Variants in EPS8 observed in about 807,000 individuals in gnomAD.
EPS8 encodes the protein EGFR pathway substrate 8, signaling adaptor.
EPS8 carries 42 observed loss-of-function variants against 103.8 expected under a neutral mutation model. That is an observed-to-expected ratio of 0.40 (90% CI 0.32 to 0.52). The LOEUF (loss-of-function observed/expected upper bound fraction) is 0.52, where lower values mean the gene tolerates loss of function less well. Among genes scored for constraint, EPS8 ranks in the 20% least tolerant of loss-of-function variants. The probability of loss-of-function intolerance (pLI) is 0.40; values close to 1 mark genes in which losing one functional copy is unlikely to be tolerated. For synonymous variants in EPS8, 344 were observed against 344.6 expected (o/e 1.00, Z 0.02); for missense variants, 969 against 1,005.1 (o/e 0.96, Z 0.49).
At chr12:15,643,897 T>C (rs1436269294) in intron 15 of EPS8, among the ~76,000 whole-genome samples, 5 of 152,136 alleles carry the variant, frequency 3.3e-5, no homozygotes, top group African/African-American at 1.2e-4. Flanking sequence ...TTCTCTAAAA[T>C]ACTAATTGCA....
chr12:15,624,715 C>G (rs566349833), intron 18 of EPS8, among the ~76,000 whole-genome samples: 62 of 152,220 alleles, frequency 4.1e-4, no homozygotes, highest in Non-Finnish European at 7.6e-4. Context: ...GCTGAATGAT[C>G]TCATGTTAAA....
chr12:15,623,757 C>T (rs1246049056), intron 19 of EPS8, among the ~76,000 whole-genome samples: 2 of 152,100 alleles, frequency 1.3e-5, no homozygotes, highest in Non-Finnish European at 2.9e-5. Context: ...AGAACCTTTA[C>T]TATGGGTTTA....
chr12:15,646,846 C>A (rs879445208), intron 15 of EPS8, among the ~76,000 whole-genome samples: 2 of 152,344 alleles, frequency 1.3e-5, no homozygotes, highest in Admixed American at 1.3e-4. Context: ...GGTTTCAAGA[C>A]AATTCTTTCT....
chr12:15,643,019 T>C (rs1171327415), intron 15 of EPS8, among the ~76,000 whole-genome samples: 1 of 152,198 alleles, frequency 6.6e-6, no homozygotes, highest in Non-Finnish European at 1.5e-5. Context: ...AGTAATTATG[T>C]TATTAATAAT....
intron 3 of EPS8, among the ~76,000 whole-genome samples, chr12:15,677,079 T>C (rs1391922888): frequency 2.0e-5 from 3 of 152,176 alleles, no homozygotes; most frequent in Non-Finnish European, 4.4e-5. Flanking sequence ...AAAATATCAC[T>C]ATAATTAATT....
Position 15,767,024 on chromosome 12 carries a change from T to C in EPS8, c.-22+22137A>G, listed in dbSNP as rs560535622. Reference sequence around the variant, plus strand: ...GCCATCTCTGATGTTTAAATATATATATATGATGACAATGATGATGGTGGT... The same window carrying C: ...GCCATCTCTGATGTTTAAATATATACATATGATGACAATGATGATGGTGGT... On this transcript the variant is annotated intron_variant, in intron 1 of 20. Coordinates refer to ENST00000281172, the MANE Select transcript of EPS8 (RefSeq NM_004447.6). This position sits in a 1 kb window ranked among gnomAD's most constrained non-coding sequence, Gnocchi z 5.5. Among the ~76,000 whole-genome samples, 59 of 152,180 alleles carry C rather than the reference T, an allele frequency of 3.9e-4. No individual in the cohort carries two copies. The highest frequency in any genetic ancestry group is 3.7e-4 in the Non-Finnish European group (25 of 68,036).
Position 15,731,864 on chromosome 12 carries a change from T to G in EPS8, c.-21-48892A>C, listed in dbSNP as rs1946720184. On this transcript the variant is annotated intron_variant, in intron 1 of 20. Coordinates refer to ENST00000281172, the MANE Select transcript of EPS8 (RefSeq NM_004447.6). This position sits in a 1 kb window ranked among gnomAD's most constrained non-coding sequence, Gnocchi z 5.1. ...AAGATAAAGTGTGTGTGTGCATGTG[T>G]GTGTGTAGGCAAAAGGAAGCTGGGT... Among the ~76,000 whole-genome samples the G allele has an allele frequency of 6.6e-6, 1 of 152,174 alleles. No homozygotes were observed. Among genetic ancestry groups the G allele is most frequent in the African/African-American group, 2.4e-5 (1 of 41,436 alleles).
At chr12:15,755,325 C>T (rs1946975479) in intron 1 of EPS8, among the ~76,000 whole-genome samples, 2 of 152,088 alleles carry the variant, frequency 1.3e-5, no homozygotes, top group South Asian at 4.1e-4. Context: ...ATATATTCAA[C>T]AGATTAAAAC....
rs984286173 is a variant in EPS8, at chr12:15,671,658, G to A, written c.137-735C>T. On this transcript the variant is annotated intron_variant, in intron 3 of 20. Transcript: ENST00000281172. ...AACATTAAAATATAAAATGTATGTC[G>A]GCAATATTTGGTATTTGTTACTCTC... is the stretch of plus-strand genomic sequence containing the variant. The A allele has an allele frequency of 4.0e-5, 6 of 151,892 alleles. No individual in the cohort carries two copies. In the East Asian group the frequency reaches 7.7e-4, roughly 19 times the overall value. 9.4% of individuals were successfully genotyped at this position (151,892 alleles called of 1,614,324 possible). A position where few individuals can be genotyped will look rare whatever the true frequency, so the allele number is the denominator to read the frequency against.
Position 15,765,402 on chromosome 12 carries a change from A to C in EPS8, c.-22+23759T>G, listed in dbSNP as rs185604895. 5.9e-5 allele frequency among the ~76,000 whole-genome samples: 9 copies of C among 152,290 alleles called. No homozygotes were observed. The East Asian group carries it at 1.4e-3, about 23-fold the overall frequency. On this transcript the variant is annotated intron_variant, in intron 1 of 20. Transcript: ENST00000281172. ...GGTGACTTTTACATGCTACTCCAAC[A>C]GATCTTACAGCAATCAGATGTTAAA... is the stretch of plus-strand genomic sequence containing the variant.
intron 3 of EPS8, among the ~76,000 whole-genome samples, chr12:15,672,104 T>C (rs1451763961): frequency 6.6e-6 from 1 of 152,070 alleles, no homozygotes; most frequent in Admixed American, 6.6e-5. Context: ...CAACAACCTA[T>C]TTTTTTGTAA....
intron 17 of EPS8, among the ~76,000 whole-genome samples, chr12:15,634,945 A>C (rs1945110283): frequency 6.6e-6 from 1 of 152,194 alleles, no homozygotes; most frequent in African/African-American, 2.4e-5. Flanking sequence ...TCCCATCACT[A>C]TCTAGCCATG....
chr12:15,622,896 G>A (rs1228400295), intron 20 of EPS8, among the ~76,000 whole-genome samples: 1 of 151,966 alleles, frequency 6.6e-6, no homozygotes, highest in African/African-American at 2.4e-5. Flanking sequence ...TATAGAATTA[G>A]TCAATACATA....
In EPS8 at chr12:15,684,521, C is replaced by CAAAG. The variant is rs773437776; in HGVS notation, c.-21-1553_-21-1550dup. On this transcript the variant is annotated intron_variant, in intron 1 of 20. Transcript: ENST00000281172. The surrounding 1 kb of genome is among the most constrained non-coding windows in gnomAD (Gnocchi z 4.9). ...AATAGGTGTTCATTAAATATTTATT[C>CAAAG]AAAGAAAGAAAGAAGGAAATCCATG... Among the ~76,000 whole-genome samples the CAAAG allele has an allele frequency of 3.9e-5, 6 of 152,168 alleles. No individual in the cohort carries two copies. The South Asian group carries it at 6.2e-4, about 16-fold the overall frequency.
chr12:15,664,645 C>T (rs1212736320), intron 8 of EPS8, among the ~76,000 whole-genome samples: 8 of 152,114 alleles, frequency 5.3e-5, no homozygotes, highest in Admixed American at 3.9e-4. Context: ...AAGTAGAGTC[C>T]GAGGTGACTC....
At chr12:15,775,129 T>C (rs1947195505) in intron 1 of EPS8, among the ~76,000 whole-genome samples, 1 of 152,092 alleles carries the variant, frequency 6.6e-6, no homozygotes, top group African/African-American at 2.4e-5. Context: ...GCAAGTGAAA[T>C]GCAAAAACAA....
chr12:15,631,504 G>T lies in EPS8; in HGVS notation c.1982C>A (p.Ser661Tyr), dbSNP rs760149952. 6 of 1,614,040 alleles carry T rather than the reference G, an allele frequency of 3.7e-6. No individual in the cohort carries two copies. The highest frequency in any genetic ancestry group is 5.1e-6 in the Non-Finnish European group (6 of 1,179,992). ...CACGATACTGCCACCACTGTCACTG[G>T]AGCTGCTGTTTTGACGTGTTATATT... ...PANITRQNSS[S>Y]SDSGGSIVRD... Residue 661 changes from serine (S) to tyrosine (Y), a missense_variant, in exon 18 of 21, where the codon TCC becomes TAC. Transcript: ENST00000281172.
intron 1 of EPS8, among the ~76,000 whole-genome samples, chr12:15,788,684 G>C (rs1274846663): frequency 6.6e-6 from 1 of 152,170 alleles, no homozygotes; most frequent in Non-Finnish European, 1.5e-5. Flanking sequence ...TAATTCGAGG[G>C]GGTAAACGGG....
chr12:15,763,161 T>C (rs748009218), intron 1 of EPS8, among the ~76,000 whole-genome samples: 11 of 152,134 alleles, frequency 7.2e-5, no homozygotes, highest in Non-Finnish European at 1.3e-4. Context: ...TATTTTAAAA[T>C]AGATAGGAGT....
Sources: gnomAD v4.1 joint callset for allele counts (sites outside exome capture counted in the v4.1 genomes callset) on GRCh38, gnomAD v4.1.1 for gene constraint, Gnocchi (gnomAD v3.1) non-coding constraint, MANE v1.5 for transcripts, NCBI Gene and HGNC (gene_info 2026-07-23, HGNC 2026-07-21) for gene names.